The following STAB2 variants were observed in gnomAD, a reference collection of about 807,000 sequenced individuals.
STAB2 encodes the protein stabilin-2.
Under a neutral mutation model 338.1 loss-of-function variants are expected in STAB2, and 288 were observed. The observed-to-expected ratio is 0.85, with a 90% confidence interval of 0.77 to 0.94. The LOEUF (loss-of-function observed/expected upper bound fraction) is 0.94. Ranked by LOEUF, STAB2 falls within the 40% of genes least tolerant of loss-of-function variation. The probability of loss-of-function intolerance (pLI) is 0.00; values close to 1 mark genes in which losing one functional copy is unlikely to be tolerated. For synonymous variants in STAB2, 1,202 were observed against 1,193.3 expected (o/e 1.01, Z -0.15); for missense variants, 3,141 against 3,210.1 (o/e 0.98, Z 0.52).
Position 103,638,254 on chromosome 12 carries a change from A to G in STAB2, c.906+42A>G, listed in dbSNP as rs747553044. Reference sequence around the variant, plus strand: ...GGGAACTGATGTATCTAGAAGTTTGACAAGCCACTATGTGTCACAGGTATC... The same window carrying G: ...GGGAACTGATGTATCTAGAAGTTTGGCAAGCCACTATGTGTCACAGGTATC... On this transcript the variant is annotated intron_variant, in intron 8 of 68. Transcript: ENST00000388887. 11 of 1,559,494 alleles carry G rather than the reference A, an allele frequency of 7.1e-6. No individual in the cohort carries two copies. In the African/African-American group the frequency reaches 1.4e-4, roughly 19 times the overall value.
chr12:103,693,654 TTTC>T (rs1388525271), intron 31 of STAB2, among the ~76,000 whole-genome samples: 3 of 152,146 alleles, frequency 2.0e-5, no homozygotes, highest in Non-Finnish European at 1.5e-5. Context: ...ACATTTTTAT[TTTC>T]TTCTAATACC....
rs376446055 is a variant in STAB2 at position 103,660,751 on chromosome 12, C to T, written c.1857C>T (p.Asn619=). The stretch of plus-strand genomic sequence containing the variant: ...TGGCCAACCAGCTCATACAGTTCAA[C>T]ACCACCGACAATGTAAGTGAAAACT... ...RSMANQLIQF[N]TTDNGQILAN... is the part of the protein sequence containing the mutation. The change falls in exon 17 of 69, where the codon AAC becomes AAT. Residue 619 remains asparagine (N), a synonymous_variant. Transcript: ENST00000388887. 15 of 1,614,084 alleles carry T rather than the reference C, an allele frequency of 9.3e-6. No homozygotes were observed. The highest frequency in any genetic ancestry group is 3.3e-4 in the Middle Eastern group (2 of 6,062).
intron 56 of STAB2, among the ~76,000 whole-genome samples, chr12:103,742,770 C>G (rs1366633775): frequency 6.6e-6 from 1 of 152,198 alleles, no homozygotes; most frequent in Admixed American, 6.5e-5. Context: ...TTGTCCCCAG[C>G]AGCCACTAAG....
intron 52 of STAB2, 52 bp from the exon 53 acceptor site, chr12:103,737,582 C>CTCTG: frequency 2.4e-6 from 3 of 1,269,500 alleles, no homozygotes; most frequent in Non-Finnish European, 3.2e-6. Flanking sequence ...GTTTCTCTCT[C>CTCTG]TCTCTCTCTC....
At chr12:103,682,388 T>A (rs777745701) in intron 25 of STAB2, among the ~76,000 whole-genome samples, 3 of 152,188 alleles carry the variant, frequency 2.0e-5, no homozygotes, top group Non-Finnish European at 4.4e-5. Flanking sequence ...ACTAGTTGGC[T>A]TGGAAACTTT....
intron 61 of STAB2, among the ~76,000 whole-genome samples, chr12:103,754,058 C>A (rs1000788355): frequency 6.6e-6 from 1 of 152,140 alleles, no homozygotes; most frequent in African/African-American, 2.4e-5. Context: ...TCACTGGGAG[C>A]AGAGGAGATG....
intron 5 of STAB2, 134 bp from the exon 6 acceptor site, chr12:103,631,454 ACCTGGTGCTG>A: frequency 1.4e-6 from 1 of 700,288 alleles, no homozygotes; most frequent in African/African-American, 1.8e-5. Flanking sequence ...AAAAAAAAAA[ACCTGGTGCTG>A]ATAAAAGAGA....
In STAB2 at chr12:103,737,621, T is replaced by TTG; in HGVS notation, c.5551-12_5551-11insGT. 2.0e-6 allele frequency: 3 copies of TTG among 1,536,126 alleles called. No individual in the cohort carries two copies. Among genetic ancestry groups the TTG allele is most frequent in the Non-Finnish European group, 1.7e-6 (2 of 1,149,514 alleles). On this transcript the variant is annotated splice_polypyrimidine_tract_variant and intron_variant, in intron 52 of 68. Coordinates refer to ENST00000388887, the MANE Select transcript of STAB2 (RefSeq NM_017564.10). ...CTCTCTTTCTCTTTTTTTTTTTTTT[T>TTG]TTTCTTTCTTAGGGTGACCTCTTTC...
intron 26 of STAB2, 75 bp from the exon 27 acceptor site, chr12:103,684,914 C>A (rs777064791): frequency 9.1e-6 from 13 of 1,435,830 alleles, no homozygotes; most frequent in Non-Finnish European, 1.1e-5. Context: ...TAGATGGAGC[C>A]TGTCGTCTCA....
intron 9 of STAB2, 84 bp from the exon 10 acceptor site, chr12:103,648,606 C>CTGT: frequency 6.5e-7 from 1 of 1,529,042 alleles, no homozygotes; most frequent in South Asian, 1.3e-5. Context: ...TTTGCTCCAT[C>CTGT]TGTTCAATGA....
At chr12:103,612,049 G>T (rs144041266) in intron 3 of STAB2, among the ~76,000 whole-genome samples, 76 of 152,326 alleles carry the variant, frequency 5.0e-4, no homozygotes, top group African/African-American at 1.8e-3. Context: ...TTTCTGCTGA[G>T]ATATCCACTG....
intron 5 of STAB2, among the ~76,000 whole-genome samples, chr12:103,623,884 GCTGTGGATC>G (rs1490816479): frequency 1.3e-5 from 2 of 152,168 alleles, no homozygotes; most frequent in African/African-American, 4.8e-5. Context: ...CAGGCTAAGA[GCTGTGGATC>G]CTGGAAGTTA....
rs748193451 is a variant in STAB2, at chr12:103,677,636, A to G, written c.2805+25A>G. 4.4e-6 allele frequency: 7 copies of G among 1,596,098 alleles called. No homozygotes were observed. In the South Asian group the frequency reaches 7.7e-5, roughly 18 times the overall value. ...GGTAGGTTGGATGTCATGAGAGCAA[A>G]GAGAAAGCAGGAATCCTGCAGTGAC... On this transcript the variant is annotated intron_variant, in intron 25 of 68. Transcript: ENST00000388887.
chr12:103,751,614 G>A (rs1035882443), intron 60 of STAB2, among the ~76,000 whole-genome samples: 1 of 152,136 alleles, frequency 6.6e-6, no homozygotes. Context: ...TTAGCATGGG[G>A]ATAAAAATGC....
At chr12:103,765,259 TATCAGCACC>T (rs1884853512) in intron 68 of STAB2, among the ~76,000 whole-genome samples, 1 of 152,174 alleles carries the variant, frequency 6.6e-6, no homozygotes, top group Non-Finnish European at 1.5e-5. Flanking sequence ...CTGAGGGCTC[TATCAGCACC>T]ATGCATGAAA....
At position 103,692,852 on chromosome 12, in the gene STAB2, A is replaced by T; in HGVS notation, c.3338A>T (p.Asn1113Ile). 1 of 1,613,808 alleles carries T rather than the reference A, an allele frequency of 6.2e-7. No individual in the cohort carries two copies. Among genetic ancestry groups the T allele is most frequent in the South Asian group, 1.1e-5 (1 of 91,050 alleles). ...GGGGCCTCCATTGTCGATGGGGACA[A>T]CGCAGCCACAAATGGAGTGATACAC... ...IEGASIVDGD[N>I]AATNGVIHII... The change falls in exon 31 of 69, where the codon AAC becomes ATC. Residue 1113 changes from asparagine to isoleucine, a missense_variant. Asn to Ile is a moderately radical substitution (Grantham distance 149). Transcript: ENST00000388887.
intron 3 of STAB2, among the ~76,000 whole-genome samples, chr12:103,615,887 A>G (rs1328203320): frequency 1.3e-5 from 2 of 152,186 alleles, no homozygotes; most frequent in Non-Finnish European, 2.9e-5. Context: ...AAACTGCCCC[A>G]TGATCCAATT....
rs980326474 is a variant in STAB2, at chr12:103,717,710, C to T, written c.4612-60C>T. The T allele has an allele frequency of 3.5e-5, 52 of 1,484,126 alleles. No homozygotes were observed. The African/African-American group carries it at 7.1e-4, about 20-fold the overall frequency. The allele number at this position is 1,484,126 out of a possible 1,614,324, so 91.9% of individuals were successfully genotyped here. On this transcript the variant is annotated intron_variant, in intron 43 of 68. Coordinates refer to ENST00000388887, the MANE Select transcript of STAB2 (RefSeq NM_017564.10). Reference sequence around the variant, plus strand: ...TGGAGTTCAGGTCTGAGAGCCAGACCATGCGGCCAGTACAGAACCCACCTG... The same window carrying T: ...TGGAGTTCAGGTCTGAGAGCCAGACTATGCGGCCAGTACAGAACCCACCTG...
At chr12:103,612,191 TTG>T (rs1263366614) in intron 3 of STAB2, among the ~76,000 whole-genome samples, 1 of 152,216 alleles carries the variant, frequency 6.6e-6, no homozygotes, top group Non-Finnish European at 1.5e-5. Context: ...AGGAGTATCT[TTG>T]TGGCATTCTC....
Sources: gnomAD v4.1 joint callset for allele counts (sites outside exome capture counted in the v4.1 genomes callset) on GRCh38, gnomAD v4.1.1 for gene constraint, MANE v1.5 for transcripts, NCBI Gene and HGNC (gene_info 2026-07-23, HGNC 2026-07-21) for gene names.